ZFHX3: variants seen among roughly 807,000 people sequenced by gnomAD.
ZFHX3 encodes zinc finger homeobox 3, also known as zinc finger homeobox protein 3.
Under a neutral mutation model 279.1 loss-of-function variants are expected in ZFHX3, and 42 were observed. The observed-to-expected ratio is 0.15, with a 90% CI of 0.12 to 0.19. The LOEUF (loss-of-function observed/expected upper bound fraction) is 0.19, where lower values mean the gene tolerates loss of function less well. ZFHX3 is among the 10% of genes least tolerant of loss of function. ZFHX3 has a pLI of 1.00. For synonymous variants in ZFHX3, 2,293 were observed against 1,957.8 expected (o/e 1.17, Z -4.52); for missense variants, 4,981 against 4,754.0 (o/e 1.05, Z -1.40).
intron 5 of ZFHX3, among the ~76,000 whole-genome samples, chr16:73,155,731 G>A (rs925899359): frequency 4.6e-5 from 7 of 152,030 alleles, no homozygotes; most frequent in Non-Finnish European, 8.8e-5. Flanking sequence ...GCTGAGGCAG[G>A]AGAATCGCTT....
chr16:72,955,068 A>G (rs1004347341), intron 2 of ZFHX3, among the ~76,000 whole-genome samples: 1 of 152,184 alleles, frequency 6.6e-6, no homozygotes, highest in African/African-American at 2.4e-5. Flanking sequence ...CTGAGGTCAT[A>G]CAACTCAAAT....
intron 4 of ZFHX3, among the ~76,000 whole-genome samples, chr16:73,263,730 C>A (rs2013889356): frequency 6.6e-6 from 1 of 152,242 alleles, no homozygotes; most frequent in Non-Finnish European, 1.5e-5. Flanking sequence ...CCTGTCCCAC[C>A]TCTTACTTCA....
chr16:72,897,875 C>T lies in ZFHX3; in HGVS notation c.3217-7913G>A, dbSNP rs1038990700. On this transcript the variant is annotated intron_variant, in intron 3 of 9. Transcript: ENST00000268489. The stretch of plus-strand genomic sequence containing the variant: ...CACACAGAGCATGGAGGAAACAGGA[C>T]CAGAGCCTGAGACTTGAGTCCAAGT... Among the ~76,000 whole-genome samples the T allele has an allele frequency of 2.0e-5, 3 of 152,146 alleles. No individual in the cohort carries two copies. The East Asian group carries it at 5.8e-4, about 29-fold the overall frequency.
chr16:73,252,138 G>C (rs1349710762), intron 5 of ZFHX3, among the ~76,000 whole-genome samples: 3 of 152,174 alleles, frequency 2.0e-5, no homozygotes, highest in Admixed American at 6.5e-5. Flanking sequence ...ATTATTTTTA[G>C]CTGCTGGGCA....
intron 3 of ZFHX3, among the ~76,000 whole-genome samples, chr16:72,943,961 G>C (rs1325979261): frequency 6.6e-6 from 1 of 152,170 alleles, no homozygotes; most frequent in South Asian, 2.1e-4. Flanking sequence ...TTCATAAAAA[G>C]TATCTATATG....
intron 2 of ZFHX3, among the ~76,000 whole-genome samples, chr16:73,588,196 T>C (rs79095867): frequency 6.6e-6 from 1 of 152,082 alleles, no homozygotes; most frequent in East Asian, 1.9e-4. Flanking sequence ...TTAGCAACTA[T>C]ATTAAAACTG....
intron 2 of ZFHX3, among the ~76,000 whole-genome samples, chr16:73,665,765 T>C (rs1232833195): frequency 6.6e-6 from 1 of 151,792 alleles, no homozygotes; most frequent in African/African-American, 2.4e-5. Context: ...CAAATGATTT[T>C]TTACTGTACC....
intron 5 of ZFHX3, among the ~76,000 whole-genome samples, chr16:73,214,863 T>TTG (rs1329647480): frequency 1.4e-5 from 2 of 146,018 alleles, no homozygotes; most frequent in Non-Finnish European, 3.0e-5. Flanking sequence ...TTTTTTTTTT[T>TTG]TTTTTCTGTT....
At chr16:73,165,671 C>A (rs1182232991) in intron 5 of ZFHX3, among the ~76,000 whole-genome samples, 1 of 152,196 alleles carries the variant, frequency 6.6e-6, no homozygotes, top group Non-Finnish European at 1.5e-5. Flanking sequence ...CTCCCTACCC[C>A]TCCCCACCAA....
At chr16:73,510,876 G>C (rs572944413) in intron 2 of ZFHX3, among the ~76,000 whole-genome samples, 8 of 152,344 alleles carry the variant, frequency 5.3e-5, no homozygotes, top group Admixed American at 2.0e-4. Flanking sequence ...GACTCATATA[G>C]GGCAACTCAC....
chr16:72,964,677 A>G (rs1049633015), intron 1 of ZFHX3, among the ~76,000 whole-genome samples: 4 of 152,068 alleles, frequency 2.6e-5, no homozygotes, highest in Non-Finnish European at 5.9e-5. Context: ...TTAAAAAAAA[A>G]AAAAAAGGAA....
Position 73,745,134 on chromosome 16 carries a change from AT to A in ZFHX3, c.-1607-64895del, listed in dbSNP as rs529141422. 5.3e-5 allele frequency among the ~76,000 whole-genome samples: 8 copies of A among 152,314 alleles called. No individual in the cohort carries two copies. In the East Asian group the frequency reaches 1.5e-3, roughly 29 times the overall value. ...CTTTTCTTTATAGGAAGGGTGGAAT[AT>A]TATTACCCCATTCATCACAGACTTT... On this transcript the variant is annotated intron_variant, in intron 1 of 17. Transcript: ENST00000641206.
At chr16:72,916,318 G>C (rs1180322008) in intron 3 of ZFHX3, among the ~76,000 whole-genome samples, 3 of 152,168 alleles carry the variant, frequency 2.0e-5, no homozygotes, top group African/African-American at 4.8e-5. Context: ...ATCTGGAATG[G>C]GGGGATCTAA....
At chr16:73,422,450 C>A (rs776098133) in intron 3 of ZFHX3, among the ~76,000 whole-genome samples, 4 of 152,078 alleles carry the variant, frequency 2.6e-5, no homozygotes, top group Admixed American at 6.5e-5. Context: ...ATTTCACAGC[C>A]CAAGCACAGT....
intron 3 of ZFHX3, among the ~76,000 whole-genome samples, chr16:73,398,713 C>G (rs1470886000): frequency 6.6e-6 from 1 of 152,220 alleles, no homozygotes; most frequent in African/African-American, 2.4e-5. Flanking sequence ...CCATCTGACT[C>G]ATTTCTTACA....
intron 1 of ZFHX3, among the ~76,000 whole-genome samples, chr16:73,745,831 T>A (rs1290111382): frequency 6.6e-6 from 1 of 152,180 alleles, no homozygotes; most frequent in African/African-American, 2.4e-5. Flanking sequence ...AATTCAGGCT[T>A]GGCCTAAGAG....
At chr16:73,778,900 T>C (rs1959354143) in intron 1 of ZFHX3, among the ~76,000 whole-genome samples, 1 of 152,232 alleles carries the variant, frequency 6.6e-6, no homozygotes, top group Non-Finnish European at 1.5e-5. Context: ...AAAGTAGGAA[T>C]TGTTCTTCTG....
intron 7 of ZFHX3, among the ~76,000 whole-genome samples, chr16:73,095,991 G>C (rs1282763177): frequency 6.6e-6 from 1 of 152,166 alleles, no homozygotes; most frequent in African/African-American, 2.4e-5. Context: ...TAAAAGCACA[G>C]GAAAACAGTT....
At chr16:73,617,453 T>C (rs751629231) in intron 2 of ZFHX3, among the ~76,000 whole-genome samples, 1 of 152,250 alleles carries the variant, frequency 6.6e-6, no homozygotes, top group Non-Finnish European at 1.5e-5. Context: ...TAGGTAGTCC[T>C]GATAGCTTAG....
Sources: gnomAD v4.1 joint callset for allele counts (sites outside exome capture counted in the v4.1 genomes callset) on GRCh38, gnomAD v4.1.1 for gene constraint, MANE v1.5 for transcripts, NCBI Gene and HGNC (gene_info 2026-07-23, HGNC 2026-07-21) for gene names.